The following SORCS2 variants were observed in gnomAD, a reference collection of about 807,000 sequenced individuals.
SORCS2 encodes VPS10 domain-containing receptor SorCS2.
Under a neutral mutation model 141.6 loss-of-function variants are expected in SORCS2, and 100 were observed. The observed-to-expected ratio is 0.71, with a 90% CI of 0.60 to 0.83. The LOEUF (loss-of-function observed/expected upper bound fraction) is 0.83. Ranked by LOEUF, SORCS2 falls within the 40% of genes least tolerant of loss-of-function variation. SORCS2 has a pLI of 0.00. For missense variants in SORCS2, 1,646 were observed against 1,560.2 expected (o/e 1.05, Z -0.93); for synonymous variants, 789 against 676.9 (o/e 1.17, Z -2.57).
intron 25 of SORCS2, 91 bp from the exon 26 acceptor site, chr4:7,736,976 ACT>A: frequency 6.7e-7 from 1 of 1,493,152 alleles, no homozygotes; most frequent in Non-Finnish European, 9.0e-7. Context: ...CGTGCACCAC[ACT>A]CGGTGTGGTC....
chr4:7,655,287 C>T (rs1482015138), intron 5 of SORCS2, among the ~76,000 whole-genome samples: 3 of 152,254 alleles, frequency 2.0e-5, no homozygotes, highest in Middle Eastern at 6.8e-3. Context: ...GGGCCTCCTG[C>T]GCAGGCCACA....
At position 7,193,020 on chromosome 4, in the gene SORCS2, G is replaced by A; in HGVS notation, c.374G>A (p.Gly125Glu). The A allele has an allele frequency of 6.7e-7, 1 of 1,496,706 alleles. No individual in the cohort carries two copies. The allele number at this position is 1,496,706 out of a possible 1,614,324, so 92.7% of individuals were successfully genotyped here. A position where few individuals can be genotyped will look rare whatever the true frequency, so the allele number is the denominator to read the frequency against. The change falls in exon 1 of 27, where the codon GGA (glycine) becomes GAA (glutamate). Residue 125 changes from glycine (G) to glutamate (E), a missense_variant. Coordinates refer to ENST00000507866, the MANE Select transcript of SORCS2 (RefSeq NM_020777.3). The surrounding 1 kb of genome is among the most constrained non-coding windows in gnomAD (Gnocchi z 4.8). ...RRWERAAPLA[G>E]VASRAQVSLI... Reference sequence around the variant, plus strand: ...TGGGAGCGGGCGGCGCCGCTGGCCGGAGTGGCTTCGCGGGCGCAGGTCTCG... The same window carrying A: ...TGGGAGCGGGCGGCGCCGCTGGCCGAAGTGGCTTCGCGGGCGCAGGTCTCG...
intron 3 of SORCS2, among the ~76,000 whole-genome samples, chr4:7,577,100 T>C (rs2108752239): frequency 6.6e-6 from 1 of 152,280 alleles, no homozygotes; most frequent in South Asian, 2.1e-4. Context: ...GTTCCTGTTT[T>C]AGAGAGATCA....
Position 7,339,727 on chromosome 4 carries a change from CTTCAACATAGGAATTTTGGGGAGCACAG to C in SORCS2, c.481-56554_481-56527del, listed in dbSNP as rs377378133. ...CATTCGTAGGTCCTGGGGGTTAGGACTTCAACATAGGAATTTTGGGGAGCACAGTTCAACCCATAAGAGGGAGAAAGCG... is the reference window on the plus strand; with the variant it reads ...CATTCGTAGGTCCTGGGGGTTAGGACTTCAACCCATAAGAGGGAGAAAGCG... On this transcript the variant is annotated intron_variant, in intron 1 of 26. Transcript: ENST00000507866. 2.2e-3 allele frequency among the ~76,000 whole-genome samples: 335 copies of C among 152,324 alleles called. No homozygotes were observed. In the Middle Eastern group the frequency reaches 0.041, roughly 19 times the overall value.
At chr4:7,580,436 G>A (rs1434747398) in intron 3 of SORCS2, among the ~76,000 whole-genome samples, 1 of 151,822 alleles carries the variant, frequency 6.6e-6, no homozygotes, top group Non-Finnish European at 1.5e-5. Flanking sequence ...GTTGCAAAGA[G>A]CAGAGATCAT....
At chr4:7,490,417 C>T (rs11942382) in intron 2 of SORCS2, among the ~76,000 whole-genome samples, 63,552 of 151,916 alleles carry the variant, frequency 0.42, 13,988 homozygotes, top group Middle Eastern at 0.49. Context: ...CCCTAGATCA[C>T]GGAGCTCAAC....
At chr4:7,433,614 G>A (rs1727048693) in intron 2 of SORCS2, 1 of 1,611,440 alleles carries the variant, frequency 6.2e-7, no homozygotes, top group Admixed American at 1.7e-5. Flanking sequence ...CACCCTTGAA[G>A]GCCACCAGGA....
chr4:7,228,154 G>A (rs375935879), intron 1 of SORCS2, among the ~76,000 whole-genome samples: 2 of 152,244 alleles, frequency 1.3e-5, no homozygotes, highest in Admixed American at 6.5e-5. Context: ...GTTTTCTTCC[G>A]AGGCCCCGCT....
intron 2 of SORCS2, among the ~76,000 whole-genome samples, chr4:7,415,571 C>T (rs1725610217): frequency 6.6e-6 from 1 of 152,230 alleles, no homozygotes; most frequent in Admixed American, 6.5e-5. Context: ...TTAATCAGAC[C>T]TGCAAAGTCC....
At chr4:7,670,257 A>G (rs1450404602) in intron 8 of SORCS2, among the ~76,000 whole-genome samples, 1 of 152,222 alleles carries the variant, frequency 6.6e-6, no homozygotes, top group African/African-American at 2.4e-5. Flanking sequence ...TGTGAAAACT[A>G]TAAAGGGTGG....
At chr4:7,419,455 G>A (rs993275119) in intron 2 of SORCS2, among the ~76,000 whole-genome samples, 1 of 152,202 alleles carries the variant, frequency 6.6e-6, no homozygotes, top group Non-Finnish European at 1.5e-5. Flanking sequence ...GGCCTCTGAG[G>A]TTATAGCAAT....
In SORCS2 at chr4:7,396,354, C is replaced by T. The variant is rs371760048; in HGVS notation, c.547C>T (p.Arg183Trp). 24 of 1,613,842 alleles carry T rather than the reference C, an allele frequency of 1.5e-5. No homozygotes were observed. The highest frequency in any genetic ancestry group is 8.8e-5 in the South Asian group (8 of 91,042). ...MGKVLESSLW[R>W]SSDFGTSYTK... The stretch of plus-strand genomic sequence containing the variant: ...GAAGGTTCTGGAAAGTTCTCTGTGG[C>T]GGTAAGTCAGCCCGATGGCAGGCCT... Residue 183 changes from arginine to tryptophan, a missense_variant and splice_region_variant, in exon 2 of 27, where the codon CGG (arginine) becomes TGG (tryptophan). Coordinates refer to ENST00000507866, the MANE Select transcript of SORCS2 (RefSeq NM_020777.3).
chr4:7,343,436 G>C (rs1430266213), intron 1 of SORCS2, among the ~76,000 whole-genome samples: 1 of 152,200 alleles, frequency 6.6e-6, no homozygotes, highest in Non-Finnish European at 1.5e-5. Flanking sequence ...TCCCCACACT[G>C]GAACAGGGCA....
chr4:7,399,969 G>C (rs938697612), intron 2 of SORCS2, among the ~76,000 whole-genome samples: 1 of 152,246 alleles, frequency 6.6e-6, no homozygotes, highest in Non-Finnish European at 1.5e-5. Context: ...CCGGTCTAGG[G>C]TCTGGAGGGC....
intron 17 of SORCS2, among the ~76,000 whole-genome samples, chr4:7,716,352 C>T (rs752515668): frequency 6.6e-6 from 1 of 152,180 alleles, no homozygotes; most frequent in Non-Finnish European, 1.5e-5. Context: ...GTTCATCTCC[C>T]ATCTACCCAT....
At chr4:7,263,887 G>T (rs982726269) in intron 1 of SORCS2, among the ~76,000 whole-genome samples, 1 of 152,180 alleles carries the variant, frequency 6.6e-6, no homozygotes, top group South Asian at 2.1e-4. Context: ...ACCTTGGTGC[G>T]TCTCGTTCCC....
intron 20 of SORCS2, among the ~76,000 whole-genome samples, chr4:7,725,956 T>C (rs913213366): frequency 6.6e-6 from 1 of 152,150 alleles, no homozygotes; most frequent in Non-Finnish European, 1.5e-5. Context: ...GAGCTCAGGG[T>C]CTGGGTTCAG....
intron 2 of SORCS2, among the ~76,000 whole-genome samples, chr4:7,503,871 C>T (rs1247188256): frequency 3.9e-5 from 6 of 152,202 alleles, no homozygotes; most frequent in Admixed American, 2.0e-4. Flanking sequence ...AGATGCCAAG[C>T]GTAAGCAGCC....
At chr4:7,252,920 A>G (rs1713601870) in intron 1 of SORCS2, among the ~76,000 whole-genome samples, 1 of 152,244 alleles carries the variant, frequency 6.6e-6, no homozygotes, top group Non-Finnish European at 1.5e-5. Context: ...CTGGCTGGGT[A>G]CGTGGCGTTA....
Sources: gnomAD v4.1 joint callset for allele counts (sites outside exome capture counted in the v4.1 genomes callset) on GRCh38, gnomAD v4.1.1 for gene constraint, Gnocchi (gnomAD v3.1) non-coding constraint, MANE v1.5 for transcripts, NCBI Gene and HGNC (gene_info 2026-07-23, HGNC 2026-07-21) for gene names.